GTF2F2: variants seen among roughly 807,000 people sequenced by gnomAD.
GTF2F2 encodes general transcription factor IIF subunit 2.
In GTF2F2, 23 loss-of-function variants were observed where a neutral mutation model predicts 42.2. The observed-to-expected ratio is 0.55, with a 90% CI of 0.39 to 0.77. The LOEUF (loss-of-function observed/expected upper bound fraction) is 0.77, where lower values mean the gene tolerates loss of function less well. GTF2F2 is among the 30% of genes least tolerant of loss of function. The pLI, the probability that GTF2F2 is intolerant of heterozygous loss-of-function variation, is 0.00. For synonymous variants in GTF2F2, 105 were observed against 100.8 expected (o/e 1.04, Z -0.25); for missense variants, 261 against 287.2 (o/e 0.91, Z 0.66).
intron 4 of GTF2F2, among the ~76,000 whole-genome samples, chr13:45,157,780 G>A (rs1188836283): frequency 6.6e-6 from 1 of 151,618 alleles, no homozygotes; most frequent in African/African-American, 2.4e-5. Flanking sequence ...ACAGGGTTTC[G>A]CCATGTTTCC....
intron 5 of GTF2F2, among the ~76,000 whole-genome samples, chr13:45,241,454 A>G (rs1184154749): frequency 6.6e-6 from 1 of 152,122 alleles, no homozygotes; most frequent in Non-Finnish European, 1.5e-5. Context: ...GAAGTGTGTT[A>G]TATCTTTGTT....
At chr13:45,243,639 T>A (rs1234530436) in intron 5 of GTF2F2, among the ~76,000 whole-genome samples, 1 of 152,120 alleles carries the variant, frequency 6.6e-6, no homozygotes, top group South Asian at 2.1e-4. Context: ...TTAAATCCAT[T>A]TTGTTTTATT....
chr13:45,193,735 T>A, intron 4 of GTF2F2: 1 of 1,516,364 alleles, frequency 6.6e-7, no homozygotes, highest in Non-Finnish European at 8.9e-7. Flanking sequence ...ATGCTGTGGT[T>A]TTCCGAAGCT....
At chr13:45,225,747 A>G (rs535748022) in intron 5 of GTF2F2, among the ~76,000 whole-genome samples, 4 of 152,338 alleles carry the variant, frequency 2.6e-5, no homozygotes, top group South Asian at 2.1e-4. Flanking sequence ...GTCATAGACC[A>G]TATCTTCAAA....
chr13:45,272,705 A>T (rs1266735354), intron 7 of GTF2F2, among the ~76,000 whole-genome samples: 1 of 149,996 alleles, frequency 6.7e-6, no homozygotes, highest in East Asian at 2.0e-4. Context: ...AGATTGTGTC[A>T]CTCTACTCCA....
chr13:45,180,308 T>G (rs2138155251), intron 4 of GTF2F2, among the ~76,000 whole-genome samples: 1 of 152,334 alleles, frequency 6.6e-6, no homozygotes, highest in African/African-American at 2.4e-5. Flanking sequence ...TAAAAAACAC[T>G]CATAGGTGAG....
At chr13:45,270,403 G>T (rs1876740925) in intron 7 of GTF2F2, among the ~76,000 whole-genome samples, 1 of 152,104 alleles carries the variant, frequency 6.6e-6, no homozygotes, top group Non-Finnish European at 1.5e-5. Context: ...TAAAATTTTG[G>T]AGGCTGAGAA....
At chr13:45,177,459 C>T (rs1416456136) in intron 4 of GTF2F2, among the ~76,000 whole-genome samples, 1 of 152,138 alleles carries the variant, frequency 6.6e-6, no homozygotes, top group African/African-American at 2.4e-5. Context: ...GATGAACTCT[C>T]GGGCCATCTT....
At chr13:45,241,534 G>A (rs1875308844) in intron 5 of GTF2F2, among the ~76,000 whole-genome samples, 1 of 151,318 alleles carries the variant, frequency 6.6e-6, no homozygotes, top group African/African-American at 2.4e-5. Context: ...TCCTTGAGGA[G>A]GCGAATTCTT....
intron 7 of GTF2F2, among the ~76,000 whole-genome samples, chr13:45,282,925 C>G (rs902229964): frequency 1.3e-5 from 2 of 152,160 alleles, no homozygotes; most frequent in African/African-American, 4.8e-5. Flanking sequence ...GGCCTAAAAA[C>G]AAATTTGAGA....
chr13:45,194,274 A>G, intron 4 of GTF2F2: 1 of 1,614,194 alleles, frequency 6.2e-7, no homozygotes, highest in Non-Finnish European at 8.5e-7. Context: ...CGGGCAATAG[A>G]AGTTCTCCAT....
At chr13:45,260,481 G>A (rs1317976091) in intron 6 of GTF2F2, among the ~76,000 whole-genome samples, 2 of 152,186 alleles carry the variant, frequency 1.3e-5, no homozygotes, top group Non-Finnish European at 2.9e-5. Context: ...GATTTAACAT[G>A]CAGAACCATG....
In GTF2F2 at chr13:45,135,157, ATGGCCAGGC is replaced by A. The variant is rs571689199; in HGVS notation, c.67-1572_67-1564del. Among the ~76,000 whole-genome samples the A allele has an allele frequency of 4.0e-4, 60 of 151,744 alleles. No homozygotes were observed. In the East Asian group the frequency reaches 7.6e-3, roughly 19 times the overall value. On this transcript the variant is annotated intron_variant, in intron 1 of 7. Transcript: ENST00000340473. The stretch of plus-strand genomic sequence containing the variant: ...TTAGTAGAGACGGGATTCCGCCATG[ATGGCCAGGC>A]TGGTCTAGAACTCCTGACCTCAAGT...
intron 4 of GTF2F2, among the ~76,000 whole-genome samples, chr13:45,200,579 C>T (rs913883215): frequency 5.9e-5 from 9 of 152,106 alleles, no homozygotes; most frequent in African/African-American, 2.2e-4. Context: ...CAGATGTGAG[C>T]CACCATGCGT....
chr13:45,260,278 A>G (rs868570242), intron 6 of GTF2F2, among the ~76,000 whole-genome samples: 23 of 152,232 alleles, frequency 1.5e-4, no homozygotes, highest in African/African-American at 5.3e-4. Context: ...TTGTAGGACT[A>G]TATCATGAGG....
chr13:45,161,141 C>T (rs552431067), intron 4 of GTF2F2, among the ~76,000 whole-genome samples: 1 of 152,092 alleles, frequency 6.6e-6, no homozygotes, highest in Non-Finnish European at 1.5e-5. Flanking sequence ...AAGAATACAC[C>T]TAGCACTTTA....
intron 4 of GTF2F2, among the ~76,000 whole-genome samples, chr13:45,190,836 C>T (rs1283160038): frequency 6.6e-6 from 1 of 151,336 alleles, no homozygotes; most frequent in South Asian, 2.1e-4. Flanking sequence ...ACCACAACTT[C>T]CACCTCTCAG....
At chr13:45,183,608 G>T (rs2138159277) in intron 4 of GTF2F2, among the ~76,000 whole-genome samples, 1 of 152,224 alleles carries the variant, frequency 6.6e-6, no homozygotes, top group South Asian at 2.1e-4. Context: ...GGTTTAATTT[G>T]GGTGTAGTTG....
At chr13:45,242,009 C>T (rs964904183) in intron 5 of GTF2F2, among the ~76,000 whole-genome samples, 7 of 152,048 alleles carry the variant, frequency 4.6e-5, no homozygotes, top group Admixed American at 1.3e-4. Context: ...AATTCCAAGC[C>T]CTAAAATTTC....
Sources: gnomAD v4.1 joint callset for allele counts (sites outside exome capture counted in the v4.1 genomes callset) on GRCh38, gnomAD v4.1.1 for gene constraint, MANE v1.5 for transcripts, NCBI Gene and HGNC (gene_info 2026-07-23, HGNC 2026-07-21) for gene names.